Variants in EFNA2 observed in about 807,000 individuals in gnomAD.
The protein encoded by EFNA2 is ephrin A2.
A neutral mutation model predicts 19.7 loss-of-function variants in EFNA2; 18 were observed. That is an observed-to-expected ratio of 0.91 (90% confidence interval 0.63 to 1.35). The LOEUF (loss-of-function observed/expected upper bound fraction) is 1.35. EFNA2 is among the 40% of genes most tolerant of loss of function. EFNA2 has a pLI of 0.00. For synonymous variants in EFNA2, 187 were observed against 137.8 expected (o/e 1.36, Z -2.50); for missense variants, 303 against 296.0 (o/e 1.02, Z -0.17).
chr19:1,299,044 C>G (rs1176316287), intron 3 of EFNA2, among the ~76,000 whole-genome samples: 1 of 152,096 alleles, frequency 6.6e-6, no homozygotes, highest in African/African-American at 2.4e-5. Flanking sequence ...TTGAGACCAG[C>G]CTGGTTAACA....
Position 1,295,864 on chromosome 19 carries a change from TGGGGTCGGGC to T in EFNA2, c.454+7_454+16del. ...CCACGAGTATTACTACATCTGTGAGTGGGGTCGGGCCGGGGCTGCCGGGGCCCGAGTGGGC... is the reference window on the plus strand; with the variant it reads ...CCACGAGTATTACTACATCTGTGAGTCGGGGCTGCCGGGGCCCGAGTGGGC... On this transcript the variant is annotated splice_region_variant and intron_variant, in intron 2 of 3. Coordinates refer to ENST00000215368, the MANE Select transcript of EFNA2 (RefSeq NM_001405.4). This position sits in a 1 kb window ranked among gnomAD's most constrained non-coding sequence, Gnocchi z 5.8. 1 of 1,415,128 alleles carries T rather than the reference TGGGGTCGGGC, an allele frequency of 7.1e-7. No homozygotes were observed. Among genetic ancestry groups the T allele is most frequent in the Non-Finnish European group, 9.3e-7 (1 of 1,071,384 alleles). 87.7% of individuals were successfully genotyped at this position (1,415,128 alleles called of 1,614,324 possible).
In EFNA2 at chr19:1,300,145, G is replaced by C. The variant is rs953630835; in HGVS notation, c.*200G>C. The C allele has an allele frequency of 1.4e-5, 9 of 636,508 alleles. No homozygotes were observed. The highest frequency in any genetic ancestry group is 6.1e-5 in the African/African-American group (3 of 49,584). The allele number at this position is 636,508 out of a possible 1,614,324, so 39.4% of individuals were successfully genotyped here. A position where few individuals can be genotyped will look rare whatever the true frequency, so the allele number is the denominator to read the frequency against. ...CCTCAGGGAGGGGAAACGGCCGAGAGCCCCCCCCCGGAGGCCCGAGGGGCC... is the reference window on the plus strand; with the variant it reads ...CCTCAGGGAGGGGAAACGGCCGAGACCCCCCCCCCGGAGGCCCGAGGGGCC... On this transcript the variant is annotated 3_prime_UTR_variant, in exon 4 of 4. Coordinates refer to ENST00000215368, the MANE Select transcript of EFNA2 (RefSeq NM_001405.4).
chr19:1,291,596 C>T (rs527960639), intron 1 of EFNA2, among the ~76,000 whole-genome samples: 1 of 152,288 alleles, frequency 6.6e-6, no homozygotes, highest in South Asian at 2.1e-4. Context: ...GCTTCTCCAC[C>T]CTGGAAGAGA....
chr19:1,295,955 A>C lies in EFNA2; in HGVS notation c.454+97A>C. 3.2e-6 allele frequency: 1 copy of C among 311,178 alleles called. No individual in the cohort carries two copies. Among genetic ancestry groups the C allele is most frequent in the South Asian group, 3.7e-5 (1 of 27,212 alleles). 19.3% of individuals were successfully genotyped at this position (311,178 alleles called of 1,614,324 possible). A position where few individuals can be genotyped will look rare whatever the true frequency, so the allele number is the denominator to read the frequency against. On this transcript the variant is annotated intron_variant, in intron 2 of 3. Coordinates refer to ENST00000215368, the MANE Select transcript of EFNA2 (RefSeq NM_001405.4). This position sits in a 1 kb window ranked among gnomAD's most constrained non-coding sequence, Gnocchi z 5.8. Reference sequence around the variant, plus strand: ...CGGGACCACTGGGGTGGGGCCGGGGAGTGGGCGGGGCAGCGCAGTGGGCGG... The same window carrying C: ...CGGGACCACTGGGGTGGGGCCGGGGCGTGGGCGGGGCAGCGCAGTGGGCGG...
upstream of EFNA2, among the ~76,000 whole-genome samples, chr19:1,285,852 C>G (rs1159151741): frequency 3.4e-5 from 5 of 146,862 alleles, no homozygotes; most frequent in Non-Finnish European, 7.6e-5. The surrounding 1 kb of genome is among the most constrained non-coding windows in gnomAD (Gnocchi z 4.1). Flanking sequence ...GCCCTCCCGA[C>G]GCTCGGGCGG....
In EFNA2 at chr19:1,296,060, G is replaced by A. The variant is rs2081513991; in HGVS notation, c.454+202G>A. On this transcript the variant is annotated intron_variant, in intron 2 of 3. Transcript: ENST00000215368. This position sits in a 1 kb window ranked among gnomAD's most constrained non-coding sequence, Gnocchi z 4.4. ...GGGAGTGGGCGGGGCCGCGGAGTGGGGCCAGGGCCGGTGCTGGCCACTGAC... is the reference window on the plus strand; with the variant it reads ...GGGAGTGGGCGGGGCCGCGGAGTGGAGCCAGGGCCGGTGCTGGCCACTGAC... Among the ~76,000 whole-genome samples the A allele has an allele frequency of 6.6e-6, 1 of 152,070 alleles. No individual in the cohort carries two copies. Among genetic ancestry groups the A allele is most frequent in the African/African-American group, 2.4e-5 (1 of 41,422 alleles).
intron 1 of EFNA2, among the ~76,000 whole-genome samples, chr19:1,289,833 G>T (rs1412484790): frequency 6.6e-6 from 1 of 152,204 alleles, no homozygotes; most frequent in Non-Finnish European, 1.5e-5. Flanking sequence ...CCGTGGCTCC[G>T]CTGGCGTCCC....
rs1214377878 is a variant in EFNA2, at chr19:1,287,875, AC to A, written c.140+1570del. Among the ~76,000 whole-genome samples the A allele has an allele frequency of 2.0e-5, 3 of 152,262 alleles. No homozygotes were observed. The East Asian group carries it at 5.8e-4, about 29-fold the overall frequency. On this transcript the variant is annotated intron_variant, in intron 1 of 3. Transcript: ENST00000215368. This position sits in a 1 kb window ranked among gnomAD's most constrained non-coding sequence, Gnocchi z 6.2. ...TCTAGCAAACGCCAAACACACGAGG[AC>A]CCGGCAACCGGGGGAGGAAGGTGGT...
chr19:1,284,533 C>T (rs1026767366), upstream of EFNA2, among the ~76,000 whole-genome samples: 5 of 152,208 alleles, frequency 3.3e-5, no homozygotes, highest in Non-Finnish European at 7.3e-5. The surrounding 1 kb of genome is among the most constrained non-coding windows in gnomAD (Gnocchi z 5.3). Flanking sequence ...AAGGACTTCC[C>T]AGCAGGACCC....
At chr19:1,291,388 A>G (rs531055603) in intron 1 of EFNA2, among the ~76,000 whole-genome samples, 127 of 152,338 alleles carry the variant, frequency 8.3e-4, no homozygotes, top group Non-Finnish European at 1.5e-3. Flanking sequence ...GGTCCCACCC[A>G]GGTCCTGAGC....
rs565499795 is a variant in EFNA2, at chr19:1,295,868, G to T, written c.454+10G>T. The T allele has an allele frequency of 1.7e-5, 26 of 1,574,070 alleles. 2 individuals are homozygous for T. The South Asian group carries it at 2.8e-4, about 17-fold the overall frequency. On this transcript the variant is annotated intron_variant, in intron 2 of 3. Transcript: ENST00000215368. This position sits in a 1 kb window ranked among gnomAD's most constrained non-coding sequence, Gnocchi z 5.8. ...GAGTATTACTACATCTGTGAGTGGGGTCGGGCCGGGGCTGCCGGGGCCCGA... is the reference window on the plus strand; with the variant it reads ...GAGTATTACTACATCTGTGAGTGGGTTCGGGCCGGGGCTGCCGGGGCCCGA...
At chr19:1,298,705 C>A in intron 3 of EFNA2, 89 bp downstream of exon 3, 1 of 1,445,082 alleles carries the variant, frequency 6.9e-7, no homozygotes, top group African/African-American at 1.4e-5. Flanking sequence ...AGAGCCAGGA[C>A]AGGGGGCCTC....
Position 1,295,475 on chromosome 19 carries a change from C to T in EFNA2, c.141-70C>T. The T allele has an allele frequency of 7.0e-7, 1 of 1,426,482 alleles. No homozygotes were observed. The highest frequency in any genetic ancestry group is 9.2e-7 in the Non-Finnish European group (1 of 1,087,676). The allele number at this position is 1,426,482 out of a possible 1,614,324, so 88.4% of individuals were successfully genotyped here. A position where few individuals can be genotyped will look rare whatever the true frequency, so the allele number is the denominator to read the frequency against. ...GCTCCTGTCCCCTGACCCTGGCCCT[C>T]CCCGCGCACCCCGACCCGTGCCCCG... is the stretch of plus-strand genomic sequence containing the variant. On this transcript the variant is annotated intron_variant, in intron 1 of 3. Coordinates refer to ENST00000215368, the MANE Select transcript of EFNA2 (RefSeq NM_001405.4). The surrounding 1 kb of genome is among the most constrained non-coding windows in gnomAD (Gnocchi z 5.8).
In EFNA2 at chr19:1,299,804, G is replaced by T; in HGVS notation, c.521-20G>T. 6.3e-7 allele frequency: 1 copy of T among 1,588,952 alleles called. No homozygotes were observed. Among genetic ancestry groups the T allele is most frequent in the African/African-American group, 1.3e-5 (1 of 74,598 alleles). ...TGGGGTTCGGGCGGCCGCTGAGCGT[G>T]CTGTCTCTGCCACCCGCAGACGAGA... On this transcript the variant is annotated intron_variant, in intron 3 of 3. Coordinates refer to ENST00000215368, the MANE Select transcript of EFNA2 (RefSeq NM_001405.4).
rs1367400717 is a variant in EFNA2 at position 1,287,078 on chromosome 19, C to T, written c.140+770C>T. Among the ~76,000 whole-genome samples the T allele has an allele frequency of 3.3e-5, 5 of 152,228 alleles. No homozygotes were observed. Among genetic ancestry groups the T allele is most frequent in the African/African-American group, 1.2e-4 (5 of 41,464 alleles). ...CCACGCCCGGCCGAGATGCCGCACC[C>T]GCCTGCTGCAGGCCCCCTTGTTTTG... On this transcript the variant is annotated intron_variant, in intron 1 of 3. Coordinates refer to ENST00000215368, the MANE Select transcript of EFNA2 (RefSeq NM_001405.4). This position sits in a 1 kb window ranked among gnomAD's most constrained non-coding sequence, Gnocchi z 6.2.
At chr19:1,291,882 GGCCTGGAGGGCT>G (rs1369082816) in intron 1 of EFNA2, among the ~76,000 whole-genome samples, 2 of 152,236 alleles carry the variant, frequency 1.3e-5, no homozygotes, top group African/African-American at 2.4e-5. Context: ...CTCTGCCTGG[GGCCTGGAGGGCT>G]GCCTGGAGGC....
chr19:1,290,618 C>T (rs1362221742), intron 1 of EFNA2, among the ~76,000 whole-genome samples: 2 of 152,120 alleles, frequency 1.3e-5, no homozygotes, highest in African/African-American at 4.8e-5. Flanking sequence ...GCCCCGGTGG[C>T]CGTGTGTTCC....
intron 1 of EFNA2, among the ~76,000 whole-genome samples, chr19:1,291,904 C>T (rs1052133293): frequency 4.6e-5 from 7 of 152,134 alleles, no homozygotes; most frequent in South Asian, 2.1e-4. Flanking sequence ...TGCCTGGAGG[C>T]GTGGACTTTG....
rs2081468724 is a variant in EFNA2, at chr19:1,287,093, C to G, written c.140+785C>G. On this transcript the variant is annotated intron_variant, in intron 1 of 3. Coordinates refer to ENST00000215368, the MANE Select transcript of EFNA2 (RefSeq NM_001405.4). This position sits in a 1 kb window ranked among gnomAD's most constrained non-coding sequence, Gnocchi z 6.2. ...ATGCCGCACCCGCCTGCTGCAGGCC[C>G]CCTTGTTTTGAACCAGGTCCGGGCC... is the stretch of plus-strand genomic sequence containing the variant. Among the ~76,000 whole-genome samples, 1 of 152,212 alleles carries G rather than the reference C, an allele frequency of 6.6e-6. No individual in the cohort carries two copies. The highest frequency in any genetic ancestry group is 1.5e-5 in the Non-Finnish European group (1 of 68,030).
Sources: gnomAD v4.1 joint callset for allele counts (sites outside exome capture counted in the v4.1 genomes callset) on GRCh38, gnomAD v4.1.1 for gene constraint, Gnocchi (gnomAD v3.1) non-coding constraint, MANE v1.5 for transcripts, NCBI Gene and HGNC (gene_info 2026-07-23, HGNC 2026-07-21) for gene names.